The following FRMPD1 variants were observed in gnomAD, a reference collection of about 807,000 sequenced individuals.
FRMPD1 encodes the protein FERM and PDZ domain-containing protein 1.
A neutral mutation model predicts 117.8 loss-of-function variants in FRMPD1; 76 were observed. The observed-to-expected ratio is 0.65, with a 90% CI of 0.54 to 0.78. The LOEUF (loss-of-function observed/expected upper bound fraction) is 0.78, where lower values mean the gene tolerates loss of function less well. Ranked by LOEUF, FRMPD1 falls within the 30% of genes least tolerant of loss-of-function variation. The probability of loss-of-function intolerance (pLI) is 0.00; values close to 1 mark genes in which losing one functional copy is unlikely to be tolerated. For synonymous variants in FRMPD1, 783 were observed against 770.4 expected, an observed-to-expected ratio of 1.02 and a Z score of -0.27; for missense variants, 1,786 against 1,964.5, an observed-to-expected ratio of 0.91 and a Z score of 1.72.
chr9:37,731,168 T>C, intron 9 of FRMPD1, 65 bp downstream of exon 9: 4 of 1,504,538 alleles, frequency 2.7e-6, no homozygotes, highest in South Asian at 2.3e-5. Flanking sequence ...CTGGGTGATT[T>C]TGAACGTGAG....
chr9:37,741,829 G>A (rs1224472503), intron 15 of FRMPD1, among the ~76,000 whole-genome samples: 4 of 152,032 alleles, frequency 2.6e-5, no homozygotes, highest in African/African-American at 7.2e-5. Flanking sequence ...CTTTCTGACC[G>A]AAACACTCCT....
At chr9:37,689,381 T>C (rs1822055762) in intron 1 of FRMPD1, among the ~76,000 whole-genome samples, 1 of 152,172 alleles carries the variant, frequency 6.6e-6, no homozygotes, top group Non-Finnish European at 1.5e-5. Flanking sequence ...TAATTCCCTC[T>C]GTTTTTGATC....
At chr9:37,690,825 G>A (rs1378273717) in intron 1 of FRMPD1, among the ~76,000 whole-genome samples, 2 of 152,152 alleles carry the variant, frequency 1.3e-5, no homozygotes, top group Non-Finnish European at 2.9e-5. Flanking sequence ...CTGGTATCTG[G>A]TAAGGGCCTT....
intron 1 of FRMPD1, chr9:37,668,050 A>G (rs1261678727): frequency 6.6e-6 from 1 of 152,280 alleles, no homozygotes; most frequent in Non-Finnish European, 1.5e-5. Context: ...ATTATGTGGC[A>G]CAGAATAAAC....
At position 37,744,464 on chromosome 9, in the gene FRMPD1, A is replaced by G. The variant is rs1158481479; in HGVS notation, c.2432A>G (p.Asn811Ser). The G allele has an allele frequency of 6.2e-7, 1 of 1,614,164 alleles. No homozygotes were observed. The highest frequency in any genetic ancestry group is 2.2e-5 in the East Asian group (1 of 44,884). Residue 811 changes from asparagine (N) to serine (S), a missense_variant, in exon 16 of 16, where the codon AAC becomes AGC. Coordinates refer to ENST00000377765, the MANE Select transcript of FRMPD1 (RefSeq NM_014907.3). ...AAGGCCAGCACTTCTAGCCCTGAGAACAGCCTGCCTTGTGGGCCAGATGGA... is the reference window on the plus strand; with the variant it reads ...AAGGCCAGCACTTCTAGCCCTGAGAGCAGCCTGCCTTGTGGGCCAGATGGA... Reference protein sequence around the residue: ...QNKASTSSPENSLPCGPDGRQ... With the variant: ...QNKASTSSPESSLPCGPDGRQ...
chr9:37,714,470 G>A (rs75996962), intron 5 of FRMPD1, among the ~76,000 whole-genome samples: 2,227 of 152,258 alleles, frequency 0.015, 26 homozygotes, highest in Non-Finnish European at 0.025. Context: ...AGGTCTCTCA[G>A]GGAGAACTGG....
At chr9:37,716,101 C>A (rs1310201708) in intron 5 of FRMPD1, among the ~76,000 whole-genome samples, 1 of 152,218 alleles carries the variant, frequency 6.6e-6, no homozygotes, top group African/African-American at 2.4e-5. Flanking sequence ...CAATGACCAA[C>A]CAGTGCTGAG....
chr9:37,616,620 A>G, the FRMPD1 span, among the ~76,000 whole-genome samples: 1 of 152,176 alleles, frequency 6.6e-6, no homozygotes, highest in Admixed American at 6.5e-5. Context: ...ATATCACATA[A>G]TACTGTTGTT....
intron 1 of FRMPD1, among the ~76,000 whole-genome samples, chr9:37,691,908 A>AAAAAGAAAAG (rs556207979): frequency 3.3e-5 from 5 of 152,150 alleles, no homozygotes; most frequent in African/African-American, 9.7e-5. Flanking sequence ...CTCCATCTCA[A>AAAAAGAAAAG]AAAAGAAAAG....
At chr9:37,711,532 C>A in intron 5 of FRMPD1, 137 bp downstream of exon 5, 1 of 716,968 alleles carries the variant, frequency 1.4e-6, no homozygotes, top group Non-Finnish European at 2.5e-6. Flanking sequence ...CAGTGGGTGG[C>A]CAGTCAGTCC....
chr9:37,683,270 T>G (rs950157009), intron 1 of FRMPD1, among the ~76,000 whole-genome samples: 1 of 152,216 alleles, frequency 6.6e-6, no homozygotes, highest in Non-Finnish European at 1.5e-5. Flanking sequence ...ACTTCAAACT[T>G]TTGCCACACA....
intron 5 of FRMPD1, among the ~76,000 whole-genome samples, chr9:37,716,905 A>G (rs1237206676): frequency 6.6e-6 from 1 of 152,132 alleles, no homozygotes; most frequent in African/African-American, 2.4e-5. Context: ...GACACCTTGC[A>G]GCTCTGTCCT....
At chr9:37,734,335 A>G (rs1011394162) in intron 12 of FRMPD1, among the ~76,000 whole-genome samples, 1 of 152,314 alleles carries the variant, frequency 6.6e-6, no homozygotes, top group Middle Eastern at 3.4e-3. Context: ...TGAAAGAAAA[A>G]TAAGAGTGTT....
intron 1 of FRMPD1, among the ~76,000 whole-genome samples, chr9:37,676,853 C>T (rs1487824277): frequency 1.3e-5 from 2 of 152,154 alleles, no homozygotes; most frequent in African/African-American, 4.8e-5. Flanking sequence ...TCTTATGGGC[C>T]CCACTCTCTG....
chr9:37,697,726 C>G (rs1822375937), intron 2 of FRMPD1, among the ~76,000 whole-genome samples: 2 of 152,220 alleles, frequency 1.3e-5, no homozygotes, highest in Non-Finnish European at 2.9e-5. Flanking sequence ...TAACCTTTTG[C>G]TTTCAATCAA....
intron 1 of FRMPD1, among the ~76,000 whole-genome samples, chr9:37,690,721 G>A (rs898887387): frequency 2.0e-5 from 3 of 152,140 alleles, no homozygotes; most frequent in Admixed American, 1.3e-4. Context: ...AGTCTGTTTT[G>A]TGTTGCTATA....
intron 1 of FRMPD1, among the ~76,000 whole-genome samples, chr9:37,662,997 CAGTT>C (rs753834059): frequency 1.3e-5 from 2 of 152,182 alleles, no homozygotes; most frequent in Non-Finnish European, 2.9e-5. Context: ...GTCTGGGTGA[CAGTT>C]AGATGCGTAC....
chr9:37,732,329 G>A lies in FRMPD1; in HGVS notation c.884G>A (p.Arg295His), dbSNP rs771951665. The A allele has an allele frequency of 6.9e-5, 112 of 1,613,578 alleles. No homozygotes were observed. The highest frequency in any genetic ancestry group is 9.2e-5 in the Non-Finnish European group (108 of 1,179,990). The change falls in exon 10 of 16, where the codon CGC becomes CAC. Residue 295 changes from arginine to histidine, a missense_variant. Coordinates refer to ENST00000377765, the MANE Select transcript of FRMPD1 (RefSeq NM_014907.3). ...AGCTGCAGCGATGTGCTCCAGGAGCGCTTTGCTGTAGAAATGAAATGTAGC... is the reference window on the plus strand; with the variant it reads ...AGCTGCAGCGATGTGCTCCAGGAGCACTTTGCTGTAGAAATGAAATGTAGC... ...LQSCSDVLQE[R>H]FAVEMKCSSA...
chr9:37,685,521 G>A (rs987166908), intron 1 of FRMPD1, among the ~76,000 whole-genome samples: 27 of 152,098 alleles, frequency 1.8e-4, no homozygotes, highest in East Asian at 3.9e-4. Context: ...GCGTGGTGGC[G>A]GGCGCCTGTA....
Sources: gnomAD v4.1 joint callset for allele counts (sites outside exome capture counted in the v4.1 genomes callset) on GRCh38, gnomAD v4.1.1 for gene constraint, MANE v1.5 for transcripts, NCBI Gene and HGNC (gene_info 2026-07-23, HGNC 2026-07-21) for gene names.